BCKDHB: variants seen among roughly 807,000 people sequenced by gnomAD.
BCKDHB encodes branched chain keto acid dehydrogenase E1 subunit beta.
Under a neutral mutation model 48.5 loss-of-function variants are expected in BCKDHB, and 41 were observed. The observed-to-expected ratio is 0.85, with a 90% CI of 0.66 to 1.10. BCKDHB has a LOEUF of 1.10. Among genes scored for constraint, BCKDHB ranks in the 50% least tolerant of loss-of-function variants. The pLI is 0.00. For missense variants in BCKDHB, 496 were observed against 494.2 expected, an observed-to-expected ratio of 1.00 and a Z score of -0.03; for synonymous variants, 201 against 174.8, an observed-to-expected ratio of 1.15 and a Z score of -1.18.
At chr6:80,122,977 G>A (rs945288330) in intron 1 of BCKDHB, among the ~76,000 whole-genome samples, 5 of 19,098 alleles carry the variant, frequency 2.6e-4, no homozygotes, top group Non-Finnish European at 7.7e-4. Flanking sequence ...CCTCCCCCCC[G>A]GCCCCCCCAG....
At chr6:80,390,180 G>A in the BCKDHB span, among the ~76,000 whole-genome samples, 566 of 152,272 alleles carry the variant, frequency 3.7e-3, 8 homozygotes, top group African/African-American at 0.013. Flanking sequence ...AAGAGTATGC[G>A]TGGAATACAG....
chr6:80,429,902 T>C, the BCKDHB span, among the ~76,000 whole-genome samples: 1 of 152,236 alleles, frequency 6.6e-6, no homozygotes, highest in East Asian at 1.9e-4. Context: ...CAGTACTATG[T>C]TGAATAGGAT....
At chr6:80,382,454 T>C in the BCKDHB span, among the ~76,000 whole-genome samples, 1 of 152,190 alleles carries the variant, frequency 6.6e-6, no homozygotes, top group Non-Finnish European at 1.5e-5. Flanking sequence ...AATTTATGCA[T>C]AAATTTTACT....
chr6:80,276,532 C>T (rs1473466127), intron 9 of BCKDHB, among the ~76,000 whole-genome samples: 2 of 151,812 alleles, frequency 1.3e-5, no homozygotes, highest in African/African-American at 4.8e-5. Flanking sequence ...CTATTTAAAG[C>T]TTATTTTAGT....
intron 3 of BCKDHB, among the ~76,000 whole-genome samples, chr6:80,130,474 T>G (rs1770573234): frequency 6.6e-6 from 1 of 152,214 alleles, no homozygotes; most frequent in Admixed American, 6.6e-5. Context: ...GCTTAGTCTT[T>G]TCTTTTCCAT....
At chr6:80,120,486 A>T (rs979142860) in intron 1 of BCKDHB, among the ~76,000 whole-genome samples, 10 of 152,076 alleles carry the variant, frequency 6.6e-5, no homozygotes, top group Non-Finnish European at 1.2e-4. Flanking sequence ...CAAGAGTGTA[A>T]AAGTGTTCCT....
the BCKDHB span, among the ~76,000 whole-genome samples, chr6:80,426,157 A>G: frequency 1.2e-4 from 19 of 152,252 alleles, no homozygotes; most frequent in East Asian, 3.5e-3. Context: ...TCTAGTAAGA[A>G]TGTTGTCTCC....
intron 8 of BCKDHB, among the ~76,000 whole-genome samples, chr6:80,231,596 G>A (rs1033693999): frequency 6.6e-6 from 1 of 152,186 alleles, no homozygotes; most frequent in Admixed American, 6.5e-5. Flanking sequence ...GTAACCTTTT[G>A]TAAAATGGGA....
chr6:80,322,660 TATACTCACA>T (rs1243767824), intron 9 of BCKDHB, among the ~76,000 whole-genome samples: 1 of 152,110 alleles, frequency 6.6e-6, no homozygotes, highest in East Asian at 1.9e-4. Context: ...TAATGGGAAG[TATACTCACA>T]AAAGAAGGAC....
At chr6:80,287,312 A>C (rs1353471141) in intron 9 of BCKDHB, among the ~76,000 whole-genome samples, 1 of 152,190 alleles carries the variant, frequency 6.6e-6, no homozygotes, top group African/African-American at 2.4e-5. Context: ...CTTAATGGGA[A>C]TATGTCAGCC....
intron 9 of BCKDHB, among the ~76,000 whole-genome samples, chr6:80,310,756 A>C (rs1768113035): frequency 6.6e-6 from 1 of 152,132 alleles, no homozygotes; most frequent in Admixed American, 6.6e-5. Context: ...CCTCACCAGC[A>C]TCTGTTGTTT....
At chr6:80,303,323 T>A (rs1055555155) in intron 9 of BCKDHB, among the ~76,000 whole-genome samples, 6 of 152,104 alleles carry the variant, frequency 3.9e-5, no homozygotes, top group Admixed American at 6.6e-5. Flanking sequence ...GAAAGTTTTT[T>A]AATTTATTTA....
chr6:80,301,268 A>G (rs1181777791), intron 9 of BCKDHB, among the ~76,000 whole-genome samples: 2 of 152,334 alleles, frequency 1.3e-5, no homozygotes, highest in South Asian at 2.1e-4. Context: ...CAAAAAAACA[A>G]TAAGATTGAC....
chr6:80,426,127 G>A, the BCKDHB span, among the ~76,000 whole-genome samples: 1 of 152,194 alleles, frequency 6.6e-6, no homozygotes, highest in African/African-American at 2.4e-5. Flanking sequence ...GGTTTTCTGT[G>A]AACAGGAAGA....
chr6:80,446,532 C>T, the BCKDHB span, among the ~76,000 whole-genome samples: 1 of 152,088 alleles, frequency 6.6e-6, no homozygotes, highest in Non-Finnish European at 1.5e-5. Context: ...AGCACGAACT[C>T]GGTAATGAGG....
chr6:80,324,649 T>C (rs888739757), intron 9 of BCKDHB, among the ~76,000 whole-genome samples: 2 of 152,128 alleles, frequency 1.3e-5, no homozygotes, highest in African/African-American at 2.4e-5. Context: ...ACTTCCTAAT[T>C]TTGATACACC....
At chr6:80,400,352 G>C in the BCKDHB span, among the ~76,000 whole-genome samples, 1 of 151,778 alleles carries the variant, frequency 6.6e-6, no homozygotes, top group Non-Finnish European at 1.5e-5. Flanking sequence ...CAGCATCTAT[G>C]AAAAACTTAA....
chr6:80,135,160 C>T lies in BCKDHB; in HGVS notation c.343+5931C>T, dbSNP rs144287559. ...TGTCTTTAACAGAGAAAGTGATCTT[C>T]CATTATATGTTCTTGTTGCAAAGAA... On this transcript the variant is annotated intron_variant, in intron 3 of 9. Transcript: ENST00000320393. Among the ~76,000 whole-genome samples, 264 of 152,098 alleles carry T rather than the reference C, an allele frequency of 1.7e-3. 1 individual carries two copies. The highest frequency in any genetic ancestry group is 6.0e-3 in the African/African-American group (250 of 41,486).
the BCKDHB span, among the ~76,000 whole-genome samples, chr6:80,365,992 G>A: frequency 6.6e-6 from 1 of 152,118 alleles, no homozygotes; most frequent in African/African-American, 2.4e-5. Flanking sequence ...AGTCTTTCAG[G>A]TATAATCACT....
Sources: gnomAD v4.1 joint callset for allele counts (sites outside exome capture counted in the v4.1 genomes callset) on GRCh38, gnomAD v4.1.1 for gene constraint, MANE v1.5 for transcripts, NCBI Gene and HGNC (gene_info 2026-07-23, HGNC 2026-07-21) for gene names.